The following CALB1 variants were observed in gnomAD, a reference collection of about 807,000 sequenced individuals.
CALB1 encodes calbindin 1, also known as calbindin.
In CALB1, 16 loss-of-function variants were observed where a neutral mutation model predicts 46.7. The observed-to-expected ratio is 0.34, with a 90% CI of 0.23 to 0.52. CALB1 has a LOEUF of 0.52. Among genes scored for constraint, CALB1 ranks in the 20% least tolerant of loss-of-function variants. CALB1 has a pLI of 0.95. For missense variants in CALB1, 224 were observed against 300.3 expected, an observed-to-expected ratio of 0.75 and a Z score of 1.88; for synonymous variants, 90 against 112.8, an observed-to-expected ratio of 0.80 and a Z score of 1.28.
At chr8:90,082,192 C>T in intron 1 of CALB1, 90 bp from the exon 2 acceptor site, 13 of 1,135,758 alleles carry the variant, frequency 1.1e-5, no homozygotes, top group Non-Finnish European at 1.7e-5. Context: ...TTTCTGGCGA[C>T]CCGAGAGGCT....
intron 9 of CALB1, 162 bp downstream of exon 9, chr8:90,062,938 A>G (rs1814329918): frequency 1.8e-6 from 1 of 541,188 alleles, no homozygotes; most frequent in Admixed American, 3.6e-5. Context: ...ATCAATGGGC[A>G]TAAAGTCTCA....
At chr8:90,064,521 A>G (rs1342194569) in intron 6 of CALB1, 1 of 151,832 alleles carries the variant, frequency 6.6e-6, no homozygotes, top group Non-Finnish European at 1.5e-5. Flanking sequence ...TGTCAGGCCA[A>G]TCCAACAGAG....
intron 3 of CALB1, among the ~76,000 whole-genome samples, chr8:90,072,886 G>T (rs970447353): frequency 3.3e-5 from 5 of 152,292 alleles, no homozygotes; most frequent in African/African-American, 1.2e-4. Flanking sequence ...AGTTGGAAAA[G>T]AGAGTGAAGA....
intron 6 of CALB1, chr8:90,063,759 G>A (rs1814343306): frequency 3.8e-6 from 1 of 266,104 alleles, no homozygotes; most frequent in Non-Finnish European, 7.0e-6. Context: ...CAAGATGTGG[G>A]AGGGATGGTG....
intron 1 of CALB1, 56 bp from the exon 2 acceptor site, chr8:90,082,158 C>G (rs1227901857): frequency 1.4e-6 from 2 of 1,447,970 alleles, no homozygotes; most frequent in Non-Finnish European, 1.9e-6. Flanking sequence ...GTGTCTTTCC[C>G]GTTCACTTTC....
intron 3 of CALB1, among the ~76,000 whole-genome samples, chr8:90,074,184 A>C (rs1814581054): frequency 6.6e-6 from 1 of 152,188 alleles, no homozygotes; most frequent in South Asian, 2.1e-4. Context: ...CTTGGCATTC[A>C]GAAGATGGGG....
At position 90,060,245 on chromosome 8, in the gene CALB1, T is replaced by C. The variant is rs1267436855; in HGVS notation, c.714A>G (p.Ile238Met). 1.9e-6 allele frequency: 3 copies of C among 1,612,614 alleles called. No homozygotes were observed. The highest frequency in any genetic ancestry group is 1.7e-5 in the Admixed American group (1 of 60,022). The change falls in exon 11 of 11, where the codon ATA (isoleucine) becomes ATG (methionine). Residue 238 changes from isoleucine (I) to methionine (M), a missense_variant. Ile to Met is a conservative substitution (Grantham distance 10, BLOSUM62 1). Transcript: ENST00000265431. Reference protein sequence around the residue: ...INNITTYKKNIMALSDGGKLY... With the variant: ...INNITTYKKNMMALSDGGKLY... ...GCTTCCCTCCATCCGACAAAGCCAT[T>C]ATGTTCTTCTTGTATGTTGTAATAT...
At chr8:90,078,904 C>T (rs557471067) in intron 2 of CALB1, among the ~76,000 whole-genome samples, 53 of 151,930 alleles carry the variant, frequency 3.5e-4, no homozygotes, top group African/African-American at 1.2e-3. Context: ...TCATTTTGAA[C>T]AAGCAAAAAA....
At chr8:90,069,105 C>A (rs780920364) in intron 4 of CALB1, 49 bp downstream of exon 4, 5 of 1,609,620 alleles carry the variant, frequency 3.1e-6, no homozygotes, top group Admixed American at 1.7e-5. Flanking sequence ...ATAAAAGGAA[C>A]AATTTTCCTA....
chr8:90,074,050 T>A (rs1279736587), intron 3 of CALB1, among the ~76,000 whole-genome samples: 3 of 152,126 alleles, frequency 2.0e-5, no homozygotes, highest in Admixed American at 1.3e-4. Flanking sequence ...AGAAAAACGT[T>A]TTCCCTAGCC....
chr8:90,064,849 G>T (rs1365883692), intron 6 of CALB1, among the ~76,000 whole-genome samples: 1 of 151,788 alleles, frequency 6.6e-6, no homozygotes, highest in African/African-American at 2.4e-5. Flanking sequence ...ACTAGTTAGT[G>T]AATAAGGCAA....
At chr8:90,063,593 T>G in intron 6 of CALB1, 132 bp from the exon 7 acceptor site, 1 of 682,346 alleles carries the variant, frequency 1.5e-6, no homozygotes, top group Non-Finnish European at 2.5e-6. Context: ...AAAACTAGCA[T>G]TTTTAAAACT....
Position 90,060,042 on chromosome 8 carries a change from AC to A in CALB1, c.*130del. 1 of 644,796 alleles carries A rather than the reference AC, an allele frequency of 1.6e-6. No individual in the cohort carries two copies. Among genetic ancestry groups the A allele is most frequent in the Non-Finnish European group, 2.8e-6 (1 of 359,810 alleles). The allele number at this position is 644,796 out of a possible 1,614,324, so 39.9% of individuals were successfully genotyped here. On this transcript the variant is annotated 3_prime_UTR_variant, in exon 11 of 11. Coordinates refer to ENST00000265431, the MANE Select transcript of CALB1 (RefSeq NM_004929.4). ...AGAAACAAGCTGAAAAGAATGAGCCACACATCCTGGATAATTATCTATATGC... is the reference window on the plus strand; with the variant it reads ...AGAAACAAGCTGAAAAGAATGAGCCAACATCCTGGATAATTATCTATATGC...
chr8:90,060,746 G>A (rs1814282856), intron 9 of CALB1, 46 bp from the exon 10 acceptor site: 1 of 1,347,622 alleles, frequency 7.4e-7, no homozygotes, highest in African/African-American at 1.4e-5. Context: ...TCCATCTACA[G>A]TAGTGGGAAA....
At chr8:90,072,139 T>C (rs1036145732) in intron 3 of CALB1, among the ~76,000 whole-genome samples, 1 of 152,326 alleles carries the variant, frequency 6.6e-6, no homozygotes. Flanking sequence ...TTTCTTTAAA[T>C]ATTTTACATC....
rs1242572077 is a variant in CALB1 at position 90,082,420 on chromosome 8, T to C, written c.79+199A>G. ...AGACAAAAGTTTAAGGTTTTGGGAT[T>C]ACGGTGGAAACAATATAAACTTTCA... On this transcript the variant is annotated intron_variant, in intron 1 of 10. Coordinates refer to ENST00000265431, the MANE Select transcript of CALB1 (RefSeq NM_004929.4). The C allele has an allele frequency of 4.8e-6, 3 of 619,610 alleles. No homozygotes were observed. The East Asian group carries it at 8.2e-5, about 17-fold the overall frequency. 38.4% of individuals were successfully genotyped at this position (619,610 alleles called of 1,614,324 possible).
rs1814659428 is a variant in CALB1, at chr8:90,078,466, A to C, written c.157-19T>G. ...ATAACTCCTAAAATTATATAAAAGC[A>C]GGTAGGAGGTTTGTTAAAAAAATAC... On this transcript the variant is annotated intron_variant, in intron 2 of 10. Transcript: ENST00000265431. 2 of 1,411,586 alleles carry C rather than the reference A, an allele frequency of 1.4e-6. No homozygotes were observed. Among genetic ancestry groups the C allele is most frequent in the African/African-American group, 1.4e-5 (1 of 69,168 alleles). 87.4% of individuals were successfully genotyped at this position (1,411,586 alleles called of 1,614,324 possible).
intron 3 of CALB1, 64 bp from the exon 4 acceptor site, chr8:90,069,301 A>C: frequency 8.1e-7 from 1 of 1,230,036 alleles, no homozygotes; most frequent in Non-Finnish European, 1.2e-6. Flanking sequence ...CTCTGCCATT[A>C]CCTGCTGCTT....
rs1563686500 is a variant in CALB1 at position 90,082,610 on chromosome 8, G to T, written c.79+9C>A. The T allele has an allele frequency of 1.2e-6, 2 of 1,611,232 alleles. No individual in the cohort carries two copies. The highest frequency in any genetic ancestry group is 8.5e-7 in the Non-Finnish European group (1 of 1,177,338). ...GGTCTTGAAACAGTTAAAAAGAGAA[G>T]ATAATCACCGTCAGCGTCGAAATGG... On this transcript the variant is annotated intron_variant, in intron 1 of 10. Transcript: ENST00000265431.
Sources: gnomAD v4.1 joint callset for allele counts (sites outside exome capture counted in the v4.1 genomes callset) on GRCh38, gnomAD v4.1.1 for gene constraint, MANE v1.5 for transcripts, NCBI Gene and HGNC (gene_info 2026-07-23, HGNC 2026-07-21) for gene names.